Variants in ACACA observed in about 807,000 individuals in gnomAD.
ACACA encodes the protein acetyl-CoA carboxylase 1.
Under a neutral mutation model 296.1 loss-of-function variants are expected in ACACA, and 103 were observed. The ratio of observed to expected loss-of-function variants is 0.35; its 90% CI spans 0.30 to 0.41. ACACA has a LOEUF of 0.41. ACACA is among the 10% of genes least tolerant of loss of function. ACACA has a pLI of 1.00. For synonymous variants in ACACA, 953 were observed against 1,038.6 expected (o/e 0.92, Z 1.58); for missense variants, 1,554 against 2,989.7 (o/e 0.52, Z 11.20).
chr17:37,192,022 T>C (rs903451238), intron 37 of ACACA, 68 bp downstream of exon 37: 5 of 1,495,204 alleles, frequency 3.3e-6, no homozygotes, highest in African/African-American at 1.4e-5. Context: ...TAATACCTAA[T>C]TTTGAATCAT....
rs1367098644 is a variant in ACACA, at chr17:37,085,097, C to CTGTT, written c.*2215_*2218dup. ...CATCAAATTCTGAGACAAGTGAAGG[C>CTGTT]TGTTTTGTGAACGAAGAGAACAGAT... On this transcript the variant is annotated 3_prime_UTR_variant, in exon 56 of 56. Transcript: ENST00000616317. 1 of 153,066 alleles carries CTGTT rather than the reference C, an allele frequency of 6.5e-6. No individual in the cohort carries two copies. The highest frequency in any genetic ancestry group is 2.4e-5 in the African/African-American group (1 of 41,484). The allele number at this position is 153,066 out of a possible 1,614,324, so 9.5% of individuals were successfully genotyped here.
At chr17:37,369,132 A>G (rs1367390263) in intron 1 of ACACA, among the ~76,000 whole-genome samples, 1 of 152,196 alleles carries the variant, frequency 6.6e-6, no homozygotes, top group Non-Finnish European at 1.5e-5. Context: ...TGATTGCTAC[A>G]TGAAGAAATA....
chr17:37,171,932 G>A (rs1177383676), intron 41 of ACACA, among the ~76,000 whole-genome samples: 2 of 152,134 alleles, frequency 1.3e-5, no homozygotes, highest in African/African-American at 2.4e-5. Flanking sequence ...GGTTGGTATG[G>A]AAATTAACCA....
Position 37,326,713 on chromosome 17 carries a change from C to T in ACACA, c.338+3460G>A, listed in dbSNP as rs1252776091. ...GCATGGTAGCGGGTGCCTGTAATCTCAGCTACTTGGGAGGCTGAGGCAGGA... is the reference window on the plus strand; with the variant it reads ...GCATGGTAGCGGGTGCCTGTAATCTTAGCTACTTGGGAGGCTGAGGCAGGA... On this transcript the variant is annotated intron_variant, in intron 3 of 55. Transcript: ENST00000616317. 2.6e-5 allele frequency among the ~76,000 whole-genome samples: 4 copies of T among 151,752 alleles called. No individual in the cohort carries two copies. In the East Asian group the frequency reaches 7.7e-4, roughly 29 times the overall value.
At chr17:37,176,018 T>C (rs2077099748) in intron 41 of ACACA, among the ~76,000 whole-genome samples, 1 of 152,172 alleles carries the variant, frequency 6.6e-6, no homozygotes, top group Non-Finnish European at 1.5e-5. Flanking sequence ...GCAAAGAAGT[T>C]ACCTAAAACT....
In ACACA at chr17:37,122,603, A is replaced by G; in HGVS notation, c.6066T>C (p.Val2022=). ...CTACTGTTCGGGTTTCTACAGCAAC[A>G]ACTCCCACAGGTATTCCTCCTAGCC... is the stretch of plus-strand genomic sequence containing the variant. The part of the protein sequence containing the change: ...RARLGGIPVG[V]VAVETRTVEL... The change falls in exon 49 of 56, where the codon GTT becomes GTC. Residue 2022 remains valine (V), a synonymous_variant. Coordinates refer to ENST00000616317, the MANE Select transcript of ACACA (RefSeq NM_198834.3). 6.2e-7 allele frequency: 1 copy of G among 1,614,202 alleles called. No homozygotes were observed. Among genetic ancestry groups the G allele is most frequent in the Non-Finnish European group, 8.5e-7 (1 of 1,180,010 alleles).
At chr17:37,269,564 G>A (rs1051438472) in intron 10 of ACACA, among the ~76,000 whole-genome samples, 2 of 152,112 alleles carry the variant, frequency 1.3e-5, no homozygotes, top group East Asian at 3.8e-4. Flanking sequence ...AACAATAGCT[G>A]TATGGGCACT....
At chr17:37,156,561 T>C (rs2076260446) in intron 42 of ACACA, among the ~76,000 whole-genome samples, 1 of 152,200 alleles carries the variant, frequency 6.6e-6, no homozygotes, top group South Asian at 2.1e-4. Context: ...AAATCAGAAG[T>C]CTACACAGTG....
rs778989409 is a variant in ACACA at position 37,257,875 on chromosome 17, G to A, written c.1663-9C>T. ...GAGCTGGGCTTAAAACCCTGTTAGA[G>A]AATAAAGAATGAGAGACCATATTAT... On this transcript the variant is annotated splice_polypyrimidine_tract_variant and intron_variant, in intron 13 of 55. Transcript: ENST00000616317. The A allele has an allele frequency of 1.9e-6, 3 of 1,613,640 alleles. No individual in the cohort carries two copies. Among genetic ancestry groups the A allele is most frequent in the Non-Finnish European group, 2.5e-6 (3 of 1,179,770 alleles).
intron 3 of ACACA, among the ~76,000 whole-genome samples, chr17:37,313,372 T>C (rs1271305424): frequency 6.6e-6 from 1 of 151,894 alleles, no homozygotes; most frequent in Non-Finnish European, 1.5e-5. Context: ...ATATGAGATA[T>C]CAAACTATGG....
intron 11 of ACACA, among the ~76,000 whole-genome samples, chr17:37,260,285 TATA>T (rs2081429398): frequency 4.8e-4 from 16 of 33,022 alleles, no homozygotes; most frequent in East Asian, 2.0e-3. Context: ...TATATATATA[TATA>T]TATATATATT....
intron 29 of ACACA, among the ~76,000 whole-genome samples, chr17:37,215,431 T>C (rs939634608): frequency 9.2e-5 from 14 of 152,338 alleles, no homozygotes; most frequent in African/African-American, 3.4e-4. Flanking sequence ...ATATTAATTA[T>C]AAAAATCATT....
At chr17:37,369,594 G>T (rs904437569) in intron 1 of ACACA, 3 of 152,018 alleles carry the variant, frequency 2.0e-5, no homozygotes, top group East Asian at 1.9e-4. Context: ...CTTGAGCCTA[G>T]GAGTTCAAAT....
chr17:37,350,181 A>C (rs1266628856), intron 1 of ACACA, among the ~76,000 whole-genome samples: 5 of 152,050 alleles, frequency 3.3e-5, no homozygotes. Context: ...AAAATTAAAA[A>C]TTTGCTAGGC....
intron 9 of ACACA, 141 bp from the exon 10 acceptor site, chr17:37,271,002 A>T: frequency 1.5e-6 from 1 of 684,214 alleles, no homozygotes; most frequent in Admixed American, 2.5e-5. Context: ...AAGATACACT[A>T]TGAAAAAATA....
At chr17:37,141,397 TCCCCATC>T in intron 45 of ACACA, 1 of 330,646 alleles carries the variant, frequency 3.0e-6, no homozygotes, top group South Asian at 2.9e-5. Context: ...GTTCCACGGT[TCCCCATC>T]TCAGGCACCC....
At chr17:37,089,287 C>T (rs2072446725) in intron 54 of ACACA, among the ~76,000 whole-genome samples, 1 of 152,188 alleles carries the variant, frequency 6.6e-6, no homozygotes. Context: ...CAGGTGTACA[C>T]CTGAAGTCTC....
rs759902862 is a variant in ACACA at position 37,188,380 on chromosome 17, G to A, written c.4673C>T (p.Pro1558Leu). 1 of 1,614,062 alleles carries A rather than the reference G, an allele frequency of 6.2e-7. No homozygotes were observed. The highest frequency in any genetic ancestry group is 1.7e-5 in the Admixed American group (1 of 60,020). The change falls in exon 39 of 56, where the codon CCA becomes CTA. Residue 1558 changes from proline to leucine, a missense_variant. Physicochemically the swap from Pro to Leu is moderately conservative, Grantham distance 98. Around this residue, in one of 16 missense-constraint regions of ACACA, gnomAD observed 553 missense variants for 1,043.6 expected, o/e 0.53. Coordinates refer to ENST00000616317, the MANE Select transcript of ACACA (RefSeq NM_198834.3). ...GCGGATGGGAATTGCTTTTCCAGTT[G>A]GCGTCAGGCGAATGTTGATTTTCAG... ...AELKINIRLT[P>L]TGKAIPIRLF...
chr17:37,389,504 C>A, intron 1 of ACACA: 2 of 1,224,182 alleles, frequency 1.6e-6, no homozygotes, highest in Non-Finnish European at 2.2e-6. Context: ...CCAGCCTGAC[C>A]AACATGACGA....
Sources: gnomAD v4.1 joint callset for allele counts (sites outside exome capture counted in the v4.1 genomes callset) on GRCh38, gnomAD v4.1.1 for gene constraint, gnomAD v4.1.1 regional missense constraint, MANE v1.5 for transcripts, NCBI Gene and HGNC (gene_info 2026-07-23, HGNC 2026-07-21) for gene names.